The following CEP170B variants were observed in gnomAD, a reference collection of about 807,000 sequenced individuals.
The protein encoded by CEP170B is centrosomal protein of 170 kDa protein B.
A neutral mutation model predicts 120.6 loss-of-function variants in CEP170B; 55 were observed. That is an observed-to-expected ratio of 0.46 (90% CI 0.37 to 0.57). The LOEUF (loss-of-function observed/expected upper bound fraction) is 0.57, where lower values mean the gene tolerates loss of function less well. Ranked by LOEUF, CEP170B falls within the 20% of genes least tolerant of loss-of-function variation. The pLI is 0.00. For synonymous variants in CEP170B, 1,033 were observed against 954.5 expected (o/e 1.08, Z -1.52); for missense variants, 2,212 against 2,253.3 (o/e 0.98, Z 0.37).
Position 104,894,805 on chromosome 14 carries a change from C to T in CEP170B, c.4512C>T (p.Gly1504=), listed in dbSNP as rs1420640299. ...CTGCACAGCCGGGGCTGGGGAAGGG[C>T]CGCGTGGCTGCCCAGAGCCCACCCT... ...ASSAQPGLGK[G]RVAAQSPPSP... is the part of the protein sequence containing the mutation. Residue 1504 remains glycine (G), a synonymous_variant, in exon 19 of 19, where the codon GGC becomes GGT. Coordinates refer to ENST00000414716, the MANE Select transcript of CEP170B (RefSeq NM_001112726.3). 2.5e-6 allele frequency: 4 copies of T among 1,608,232 alleles called. No individual in the cohort carries two copies. The Admixed American group carries it at 5.0e-5, about 20-fold the overall frequency.
In CEP170B at chr14:104,877,856, C is replaced by T. The variant is rs775300139; in HGVS notation, c.196-29C>T. 17 of 537,256 alleles carry T rather than the reference C, an allele frequency of 3.2e-5. 3 individuals are homozygous for T. In the African/African-American group the frequency reaches 4.2e-4, roughly 13 times the overall value. The allele number at this position is 537,256 out of a possible 1,614,324, so 33.3% of individuals were successfully genotyped here. On this transcript the variant is annotated intron_variant, in intron 3 of 18. Transcript: ENST00000414716. ...CAGCCACCCACCCGCGCAGCTCCCCCCCCCCCCCCGCCACCTGTTTTCCTG... is the reference window on the plus strand; with the variant it reads ...CAGCCACCCACCCGCGCAGCTCCCCTCCCCCCCCCGCCACCTGTTTTCCTG...
Position 104,884,091 on chromosome 14 carries a change from C to G in CEP170B, c.1312C>G (p.Pro438Ala). 1 of 1,589,210 alleles carries G rather than the reference C, an allele frequency of 6.3e-7. No homozygotes were observed. The highest frequency in any genetic ancestry group is 1.3e-5 in the African/African-American group (1 of 74,594). ...CCCCAAGGCCGACAAGCGCCGTGGC[C>G]CAACGCCGGCCGATAGGGACCGCCC... is the stretch of plus-strand genomic sequence containing the variant. ...GDPKADKRRG[P>A]TPADRDRPSV... Residue 438 changes from proline to alanine, a missense_variant, in exon 9 of 19, where the codon CCA becomes GCA. Pro to Ala is a conservative substitution (Grantham distance 27). Transcript: ENST00000414716.
At chr14:104,885,293 G>C (rs1248533956) in intron 9 of CEP170B, 76 bp from the exon 10 acceptor site, 1 of 1,437,852 alleles carries the variant, frequency 7.0e-7, no homozygotes, top group Non-Finnish European at 9.2e-7. Flanking sequence ...GTGGCCTGGG[G>C]GTGGCCAGTG....
intron 3 of CEP170B, 113 bp from the exon 4 acceptor site, chr14:104,877,772 C>A: frequency 1.4e-6 from 1 of 696,184 alleles, no homozygotes; most frequent in South Asian, 1.7e-5. Context: ...GTTGGTGCCC[C>A]CGCGGCCCTG....
chr14:104,880,161 A>T, intron 5 of CEP170B, 126 bp from the exon 6 acceptor site: 1 of 1,306,598 alleles, frequency 7.7e-7, no homozygotes, highest in Non-Finnish European at 1.0e-6. Context: ...GGGGAGCATT[A>T]GGGAGAGCTT....
At chr14:104,888,913 C>A (rs946316628) in intron 12 of CEP170B, among the ~76,000 whole-genome samples, 1 of 152,238 alleles carries the variant, frequency 6.6e-6, no homozygotes, top group Non-Finnish European at 1.5e-5. Context: ...CCCTACCCGA[C>A]GTGGTGCACT....
intron 2 of CEP170B, among the ~76,000 whole-genome samples, chr14:104,871,918 C>T (rs1399286459): frequency 6.6e-6 from 1 of 152,246 alleles, no homozygotes; most frequent in Admixed American, 6.5e-5. Context: ...AGCTGCCACC[C>T]ACGTGCTGTC....
intron 13 of CEP170B, among the ~76,000 whole-genome samples, 191 bp downstream of exon 13, chr14:104,889,949 G>GATGGATGA (rs1896715022): frequency 1.8e-5 from 1 of 57,108 alleles, no homozygotes; most frequent in Non-Finnish European, 3.7e-5. Flanking sequence ...TGGATGGATG[G>GATGGATGA]ATGAATGGAT....
At position 104,887,183 on chromosome 14, in the gene CEP170B, CAGA is replaced by C. The variant is rs1896569898; in HGVS notation, c.2947_2949del (p.Lys983del). ...CACAACCCCCCAGCCTCTGCGGGCACAGAAGGAGATGTCGCCATCCCCGCCAGC... is the reference window on the plus strand; with the variant it reads ...CACAACCCCCCAGCCTCTGCGGGCACAGGAGATGTCGCCATCCCCGCCAGC... On this transcript the variant is annotated inframe_deletion, in exon 12 of 19. Transcript: ENST00000414716. The C allele has an allele frequency of 6.2e-7, 1 of 1,607,276 alleles. No individual in the cohort carries two copies. Among genetic ancestry groups the C allele is most frequent in the African/African-American group, 1.3e-5 (1 of 75,068 alleles).
chr14:104,892,531 T>C (rs1896894664), intron 13 of CEP170B, among the ~76,000 whole-genome samples: 1 of 147,854 alleles, frequency 6.8e-6, no homozygotes, highest in African/African-American at 2.5e-5. Flanking sequence ...TTCTGTGGCC[T>C]CAGCCCACTC....
In CEP170B at chr14:104,884,430, C is replaced by G; in HGVS notation, c.1651C>G (p.Gln551Glu). 6.4e-7 allele frequency: 1 copy of G among 1,550,584 alleles called. No individual in the cohort carries two copies. The highest frequency in any genetic ancestry group is 8.7e-7 in the Non-Finnish European group (1 of 1,147,294). The part of the protein sequence containing the change: ...PTPPPAPTDP[Q>E]LTKARKQEED... ...CCCACCGCCCGCCCCCACGGACCCC[C>G]AGCTGACCAAGGCACGGAAACAGGA... Residue 551 changes from glutamine (Q) to glutamate (E), a missense_variant, in exon 9 of 19, where the codon CAG becomes GAG. Gln to Glu is a conservative substitution (Grantham distance 29, BLOSUM62 2). Transcript: ENST00000414716.
In CEP170B at chr14:104,883,074, A is replaced by G. The variant is rs1336097584; in HGVS notation, c.617A>G (p.His206Arg). 6.4e-7 allele frequency: 1 copy of G among 1,558,284 alleles called. No homozygotes were observed. The highest frequency in any genetic ancestry group is 8.7e-7 in the Non-Finnish European group (1 of 1,155,308). ...KGPVQQDGEL[H>R]GFRAPAEPQG... ...CCAGTGCAGCAGGACGGGGAGCTCC[A>G]CGGCTTCCGCGCCCCTGCTGAGCCT... The change falls in exon 8 of 19, where the codon CAC becomes CGC. Residue 206 changes from histidine to arginine, a missense_variant. His to Arg is a conservative substitution (Grantham distance 29, BLOSUM62 0). Transcript: ENST00000414716.
rs2140771807 is a variant in CEP170B at position 104,896,527 on chromosome 14, A to G, written c.*1569A>G. 2 of 453,886 alleles carry G rather than the reference A, an allele frequency of 4.4e-6. No homozygotes were observed. The highest frequency in any genetic ancestry group is 7.0e-5 in the East Asian group (1 of 14,284). 28.1% of individuals were successfully genotyped at this position (453,886 alleles called of 1,614,324 possible). ...CCCACCCCTCGGCAGTGGCTGTGCA[A>G]TGTTTTAAGTTCACAAGTTCCTGCT... On this transcript the variant is annotated 3_prime_UTR_variant, in exon 19 of 19. Coordinates refer to ENST00000414716, the MANE Select transcript of CEP170B (RefSeq NM_001112726.3).
At position 104,891,435 on chromosome 14, in the gene CEP170B, G is replaced by C. The variant is rs1012290115; in HGVS notation, c.3879-1541G>C. 6.6e-6 allele frequency among the ~76,000 whole-genome samples: 1 copy of C among 152,124 alleles called. No homozygotes were observed. Among genetic ancestry groups the C allele is most frequent in the Non-Finnish European group, 1.5e-5 (1 of 68,018 alleles). ...TGGAAGGAGGTGGCCAGGAGCAGGC[G>C]GCCCTTAGAGAGTGGCCCACACTGG... On this transcript the variant is annotated intron_variant, in intron 13 of 18. Transcript: ENST00000414716. This position sits in a 1 kb window ranked among gnomAD's most constrained non-coding sequence, Gnocchi z 4.3.
chr14:104,887,582 C>T lies in CEP170B; in HGVS notation c.3343C>T (p.Leu1115=), dbSNP rs1383508623. The T allele has an allele frequency of 6.3e-7, 1 of 1,590,422 alleles. No homozygotes were observed. The change falls in exon 12 of 19, where the codon CTG becomes TTG. Residue 1115 remains leucine (L), a synonymous_variant. Coordinates refer to ENST00000414716, the MANE Select transcript of CEP170B (RefSeq NM_001112726.3). ...GCAGGCCTTGACCCGCTCCAACAGCCTGTCCACCCCTCGCCCCACACGGGC... is the reference window on the plus strand; with the variant it reads ...GCAGGCCTTGACCCGCTCCAACAGCTTGTCCACCCCTCGCCCCACACGGGC... ...GPQALTRSNS[L]STPRPTRASR...
intron 2 of CEP170B, among the ~76,000 whole-genome samples, chr14:104,875,561 G>A (rs1209447876): frequency 1.3e-5 from 2 of 151,778 alleles, no homozygotes; most frequent in Admixed American, 1.3e-4. Context: ...TTGGGGGCCG[G>A]GTGGGCAGCA....
Position 104,886,129 on chromosome 14 carries a change from AGGT to A in CEP170B, c.2035_2035+2del. Reference sequence around the variant, plus strand: ...ACAGCTACTCAGACCCGGGCCTCACAGGTAAGTGGCTCCAGTGCTGCGGGGGAG... The same window carrying A: ...ACAGCTACTCAGACCCGGGCCTCACAAAGTGGCTCCAGTGCTGCGGGGGAG... On this transcript the variant is annotated splice_donor_variant and coding_sequence_variant, in exon 11 of 19. Transcript: ENST00000414716. LOFTEE classifies it high-confidence loss of function. 6.5e-7 allele frequency: 1 copy of A among 1,535,864 alleles called. No homozygotes were observed. The highest frequency in any genetic ancestry group is 2.5e-5 in the East Asian group (1 of 40,782).
chr14:104,876,435 A>G (rs553901623), intron 3 of CEP170B, 90 bp downstream of exon 3: 7 of 1,170,492 alleles, frequency 6.0e-6, no homozygotes, highest in Admixed American at 2.2e-5. Flanking sequence ...TCCCCCAGTC[A>G]TAGCCCCTCC....
At chr14:104,869,255 T>C (rs544827016) in intron 2 of CEP170B, among the ~76,000 whole-genome samples, 4 of 152,286 alleles carry the variant, frequency 2.6e-5, no homozygotes, top group East Asian at 3.9e-4. Flanking sequence ...TGTGAACGAG[T>C]TGGGCTCCCT....
Sources: allele counts gnomAD v4.1 joint callset (sites outside exome capture counted in the v4.1 genomes callset), GRCh38; gene constraint gnomAD v4.1.1; non-coding constraint Gnocchi (gnomAD v3.1); transcripts MANE v1.5; gene names NCBI Gene and HGNC (gene_info 2026-07-23, HGNC 2026-07-21).